CHN2: variants seen among roughly 807,000 people sequenced by gnomAD.
CHN2 encodes chimerin 2, also known as beta-chimaerin.
In CHN2, 35 loss-of-function variants were observed where a neutral mutation model predicts 56.3. The observed-to-expected ratio is 0.62, with a 90% CI of 0.47 to 0.82. The LOEUF (loss-of-function observed/expected upper bound fraction) is 0.82. Ranked by LOEUF, CHN2 falls within the 40% of genes least tolerant of loss-of-function variation. The pLI is 0.00. For synonymous variants in CHN2, 210 were observed against 212.8 expected (o/e 0.99, Z 0.12); for missense variants, 491 against 580.5 (o/e 0.85, Z 1.58).
At chr7:29,243,262 T>C (rs1170625859) in intron 1 of CHN2, among the ~76,000 whole-genome samples, 1 of 152,232 alleles carries the variant, frequency 6.6e-6, no homozygotes. Context: ...CTTTTGTTTT[T>C]ATGTCTCATT....
At chr7:29,446,396 T>G (rs1784035479) in intron 6 of CHN2, among the ~76,000 whole-genome samples, 1 of 152,210 alleles carries the variant, frequency 6.6e-6, no homozygotes, top group African/African-American at 2.4e-5. Context: ...CTATATGCCT[T>G]AGATCCCTAT....
intron 2 of CHN2, among the ~76,000 whole-genome samples, chr7:29,177,401 A>C (rs558253328): frequency 1.8e-4 from 28 of 151,940 alleles, no homozygotes; most frequent in Non-Finnish European, 4.0e-4. Flanking sequence ...TTACAGGTGC[A>C]CACCACAATG....
At chr7:29,349,566 T>A (rs10241383) in intron 1 of CHN2, among the ~76,000 whole-genome samples, 35,450 of 152,134 alleles carry the variant, frequency 0.23, 4,700 homozygotes, top group Non-Finnish European at 0.3. Context: ...TTAGGTTTAC[T>A]CTTACACACA....
intron 6 of CHN2, among the ~76,000 whole-genome samples, chr7:29,455,027 G>T (rs909743238): frequency 1.3e-5 from 2 of 152,122 alleles, no homozygotes; most frequent in African/African-American, 4.8e-5. Flanking sequence ...TGCTGCTAGT[G>T]CTGCTGACAT....
intron 1 of CHN2, among the ~76,000 whole-genome samples, chr7:29,352,789 G>A (rs1797988624): frequency 6.6e-6 from 1 of 152,136 alleles, no homozygotes; most frequent in Admixed American, 6.5e-5. Flanking sequence ...TGGCATTTCT[G>A]ATGAGGTGGC....
intron 6 of CHN2, among the ~76,000 whole-genome samples, chr7:29,472,291 A>ACG (rs1287042606): frequency 1.7e-4 from 25 of 150,340 alleles, no homozygotes; most frequent in African/African-American, 6.1e-4. Context: ...ACACACACAC[A>ACG]CACACACGCA....
At chr7:29,329,029 G>A (rs1007448460) in intron 1 of CHN2, among the ~76,000 whole-genome samples, 8 of 152,134 alleles carry the variant, frequency 5.3e-5, no homozygotes, top group African/African-American at 1.4e-4. Context: ...ATACTTAAAA[G>A]GGCCACATGG....
intron 7 of CHN2, among the ~76,000 whole-genome samples, chr7:29,488,184 A>C (rs1454744401): frequency 6.6e-6 from 1 of 152,202 alleles, no homozygotes; most frequent in Non-Finnish European, 1.5e-5. Flanking sequence ...AGTGTCTGTC[A>C]TAGATTGATT....
chr7:29,429,985 A>G (rs1782714918), intron 6 of CHN2, among the ~76,000 whole-genome samples: 1 of 152,232 alleles, frequency 6.6e-6, no homozygotes, highest in Non-Finnish European at 1.5e-5. Context: ...ACGCTGTTCC[A>G]AGGAGAAAAG....
chr7:29,454,688 A>G (rs1416554536), intron 6 of CHN2, among the ~76,000 whole-genome samples: 1 of 151,970 alleles, frequency 6.6e-6, no homozygotes, highest in African/African-American at 2.4e-5. Flanking sequence ...CAAAAATGAC[A>G]CCTATCACTA....
chr7:29,466,285 C>T (rs948292258), intron 6 of CHN2, among the ~76,000 whole-genome samples: 2 of 152,022 alleles, frequency 1.3e-5, no homozygotes, highest in Non-Finnish European at 2.9e-5. Flanking sequence ...ATTATCATAG[C>T]TATACTCTAC....
intron 7 of CHN2, among the ~76,000 whole-genome samples, chr7:29,482,936 C>G (rs965470057): frequency 1.3e-5 from 2 of 148,886 alleles, no homozygotes; most frequent in African/African-American, 4.9e-5. Flanking sequence ...ATTCTCCTGC[C>G]TCAGCCTCCC....
intron 3 of CHN2, among the ~76,000 whole-genome samples, chr7:29,387,166 G>C (rs952001770): frequency 6.6e-6 from 1 of 152,178 alleles, no homozygotes; most frequent in Non-Finnish European, 1.5e-5. Context: ...GACTCTGCCT[G>C]GCACAGAGTA....
At chr7:29,427,208 T>C (rs1375324503) in intron 6 of CHN2, among the ~76,000 whole-genome samples, 1 of 152,144 alleles carries the variant, frequency 6.6e-6, no homozygotes, top group Non-Finnish European at 1.5e-5. Flanking sequence ...CCCAGTTACG[T>C]GGGAGGCTGA....
At position 29,509,399 on chromosome 7, in the gene CHN2, C is replaced by T. The variant is rs748515501; in HGVS notation, c.1228C>T (p.Leu410Phe). 1 of 1,613,092 alleles carries T rather than the reference C, an allele frequency of 6.2e-7. No individual in the cohort carries two copies. Among genetic ancestry groups the T allele is most frequent in the Non-Finnish European group, 8.5e-7 (1 of 1,179,126 alleles). ...YETLRYLMIH[L>F]KKVTMNEKDN... Reference sequence around the variant, plus strand: ...AACCCTCCGGTACCTAATGATCCACCTCAAAAAGTAAGCTCATGTCTCGTG... The same window carrying T: ...AACCCTCCGGTACCTAATGATCCACTTCAAAAAGTAAGCTCATGTCTCGTG... Residue 410 changes from leucine (L) to phenylalanine (F), a missense_variant, in exon 12 of 13, where the codon CTC becomes TTC. Transcript: ENST00000222792.
Position 29,242,076 on chromosome 7 carries a change from T to A in CHN2, c.49+47086T>A, listed in dbSNP as rs983447607. On this transcript the variant is annotated intron_variant, in intron 1 of 12. Coordinates refer to ENST00000222792, the MANE Select transcript of CHN2 (RefSeq NM_004067.4). ...CTATACACAGGTGCATTTGTAGAAC[T>A]CATTTAATTCTCACAACCATCCTAT... Among the ~76,000 whole-genome samples the A allele has an allele frequency of 2.6e-5, 4 of 152,314 alleles. 1 individual carries two copies. The highest frequency in any genetic ancestry group is 2.6e-4 in the Admixed American group (4 of 15,302).
At chr7:29,211,059 G>GT (rs60239658) in intron 1 of CHN2, among the ~76,000 whole-genome samples, 675 of 147,184 alleles carry the variant, frequency 4.6e-3, no homozygotes, top group Non-Finnish European at 5.9e-3. Flanking sequence ...TAGGTGTTTT[G>GT]TTTTTTTTTT....
At chr7:29,273,024 T>C (rs1343258674) in intron 1 of CHN2, among the ~76,000 whole-genome samples, 1 of 152,080 alleles carries the variant, frequency 6.6e-6, no homozygotes, top group Non-Finnish European at 1.5e-5. Context: ...TTAACTGTAG[T>C]CCTCACGGTG....
chr7:29,432,866 T>A (rs1203315194), intron 6 of CHN2, among the ~76,000 whole-genome samples: 1 of 152,208 alleles, frequency 6.6e-6, no homozygotes, highest in Admixed American at 6.5e-5. Context: ...AGCTATAATT[T>A]GTCTGCTGCA....
Sources: allele counts gnomAD v4.1 joint callset (sites outside exome capture counted in the v4.1 genomes callset), GRCh38; gene constraint gnomAD v4.1.1; transcripts MANE v1.5; gene names NCBI Gene and HGNC (gene_info 2026-07-23, HGNC 2026-07-21).